The following BNC2 variants were observed in gnomAD, a reference collection of about 807,000 sequenced individuals.
BNC2 encodes the protein basonuclin zinc finger protein 2, also known as zinc finger protein basonuclin-2.
BNC2 carries 20 observed loss-of-function variants against 76.3 expected under a neutral mutation model. That is an observed-to-expected ratio of 0.26 (90% confidence interval 0.18 to 0.38). BNC2 has a LOEUF of 0.38. Among genes scored for constraint, BNC2 ranks in the 10% least tolerant of loss-of-function variants. The pLI, the probability that BNC2 is intolerant of heterozygous loss-of-function variation, is 1.00. For synonymous variants in BNC2, 582 were observed against 514.8 expected (o/e 1.13, Z -1.77); for missense variants, 1,382 against 1,399.8 (o/e 0.99, Z 0.20).
chr9:16,657,601 G>C (rs1821967080), intron 3 of BNC2, among the ~76,000 whole-genome samples: 1 of 152,192 alleles, frequency 6.6e-6, no homozygotes, highest in African/African-American at 2.4e-5. Context: ...GTGTGACTTG[G>C]CCATCAGTAG....
intron 1 of BNC2, among the ~76,000 whole-genome samples, chr9:16,761,828 G>A (rs147915762): frequency 2.5e-4 from 38 of 152,182 alleles, no homozygotes; most frequent in African/African-American, 9.2e-4. Flanking sequence ...AACTACAAAG[G>A]CCCATGTTTG....
chr9:16,659,465 G>C (rs1337774609), intron 3 of BNC2, among the ~76,000 whole-genome samples: 1 of 152,002 alleles, frequency 6.6e-6, no homozygotes, highest in Admixed American at 6.6e-5. Flanking sequence ...AAAATTAGCT[G>C]TGTGTGGTGG....
chr9:16,691,608 C>T (rs573277715), intron 3 of BNC2, among the ~76,000 whole-genome samples: 45 of 147,060 alleles, frequency 3.1e-4, no homozygotes, highest in African/African-American at 1.0e-3. Context: ...CTCCTGGGTT[C>T]AAGCGATTCT....
intron 3 of BNC2, among the ~76,000 whole-genome samples, chr9:16,593,182 A>G (rs915723352): frequency 6.6e-6 from 1 of 152,156 alleles, no homozygotes; most frequent in African/African-American, 2.4e-5. Flanking sequence ...TTATTTCAGC[A>G]AAAGCCAAGA....
chr9:16,513,739 A>G (rs151013477), intron 5 of BNC2, among the ~76,000 whole-genome samples: 111 of 152,346 alleles, frequency 7.3e-4, no homozygotes, highest in African/African-American at 2.6e-3. Flanking sequence ...ATAGTCGGGA[A>G]GGACCGTAGG....
At chr9:16,728,808 C>T (rs1824427164) in intron 2 of BNC2, among the ~76,000 whole-genome samples, 1 of 151,524 alleles carries the variant, frequency 6.6e-6, no homozygotes, top group Non-Finnish European at 1.5e-5. Flanking sequence ...ATATCTAGTA[C>T]CTCAGGCTAT....
chr9:16,842,159 G>T (rs1450344363), intron 1 of BNC2, among the ~76,000 whole-genome samples: 2 of 152,086 alleles, frequency 1.3e-5, no homozygotes, highest in African/African-American at 4.8e-5. Flanking sequence ...AAGCTGCTTT[G>T]CCTTATGTTA....
At chr9:16,555,888 T>C (rs150945928) in intron 4 of BNC2, among the ~76,000 whole-genome samples, 1 of 152,340 alleles carries the variant, frequency 6.6e-6, no homozygotes, top group East Asian at 1.9e-4. Context: ...AGATATTAAA[T>C]ATTTTAGGTT....
intron 3 of BNC2, among the ~76,000 whole-genome samples, chr9:16,598,345 G>A (rs889220484): frequency 2.0e-5 from 3 of 152,170 alleles, no homozygotes; most frequent in South Asian, 2.1e-4. Context: ...TTGCTAAAAT[G>A]TCTATTACTG....
At chr9:16,701,938 CAAA>C (rs5896700) in intron 3 of BNC2, among the ~76,000 whole-genome samples, 1 of 91,540 alleles carries the variant, frequency 1.1e-5, no homozygotes, top group Non-Finnish European at 1.9e-5. Flanking sequence ...CGAGACTCTC[CAAA>C]AAAAAAAAAA....
chr9:16,594,559 G>A (rs1820014931), intron 3 of BNC2, among the ~76,000 whole-genome samples: 1 of 152,100 alleles, frequency 6.6e-6, no homozygotes, highest in Non-Finnish European at 1.5e-5. Context: ...AGCAACAGGG[G>A]AGAAAAGTTG....
At chr9:16,504,675 G>A (rs545638975) in intron 5 of BNC2, among the ~76,000 whole-genome samples, 6 of 152,082 alleles carry the variant, frequency 3.9e-5, no homozygotes, top group South Asian at 2.1e-4. Context: ...CTCATCCTGC[G>A]CTAACAAATT....
chr9:16,736,435 C>A (rs895362480), intron 2 of BNC2, among the ~76,000 whole-genome samples: 1 of 27,000 alleles, frequency 3.7e-5, no homozygotes, highest in Non-Finnish European at 8.9e-5. Context: ...TTTATAGAAA[C>A]AGAGACTATT....
chr9:16,666,001 C>T (rs1013176597), intron 3 of BNC2, among the ~76,000 whole-genome samples: 2 of 152,072 alleles, frequency 1.3e-5, no homozygotes, highest in Non-Finnish European at 2.9e-5. Context: ...GGTAAATTAT[C>T]CCCATTTTTT....
chr9:16,639,701 G>A (rs1821432348), intron 3 of BNC2, among the ~76,000 whole-genome samples: 1 of 152,066 alleles, frequency 6.6e-6, no homozygotes, highest in Non-Finnish European at 1.5e-5. Flanking sequence ...AAGACCGCTT[G>A]AGCCCAAGAG....
At chr9:16,647,352 G>C (rs1355106248) in intron 3 of BNC2, among the ~76,000 whole-genome samples, 1 of 152,054 alleles carries the variant, frequency 6.6e-6, no homozygotes, top group Non-Finnish European at 1.5e-5. Flanking sequence ...GGTACGGGTG[G>C]GGGCCGGTAG....
intron 4 of BNC2, among the ~76,000 whole-genome samples, chr9:16,560,912 GGAAA>G (rs1818992642): frequency 6.6e-6 from 1 of 152,180 alleles, no homozygotes; most frequent in Admixed American, 6.5e-5. Context: ...AACCAACGCA[GGAAA>G]GTTCAGAAGT....
chr9:16,526,230 G>A (rs951155610), intron 5 of BNC2, among the ~76,000 whole-genome samples: 4 of 151,768 alleles, frequency 2.6e-5, no homozygotes, highest in Admixed American at 1.3e-4. Flanking sequence ...TGGCATATGC[G>A]TACATCTGTG....
chr9:16,611,079 A>G (rs1820532617), intron 3 of BNC2, among the ~76,000 whole-genome samples: 1 of 152,234 alleles, frequency 6.6e-6, no homozygotes, highest in African/African-American at 2.4e-5. Flanking sequence ...CTTGTCAAAA[A>G]AAAAGTACAA....
Sources: allele counts gnomAD v4.1 joint callset (sites outside exome capture counted in the v4.1 genomes callset), GRCh38; gene constraint gnomAD v4.1.1; transcripts MANE v1.5; gene names NCBI Gene and HGNC (gene_info 2026-07-23, HGNC 2026-07-21).